PTK2B: variants seen among roughly 807,000 people sequenced by gnomAD.
PTK2B encodes the protein protein tyrosine kinase 2 beta, also known as protein-tyrosine kinase 2-beta.
A neutral mutation model predicts 142.9 loss-of-function variants in PTK2B; 71 were observed. That is an observed-to-expected ratio of 0.50 (90% CI 0.41 to 0.61). The LOEUF is 0.61. PTK2B is among the 20% of genes least tolerant of loss of function. PTK2B has a pLI of 0.00. For missense variants in PTK2B, 1,105 were observed against 1,320.4 expected (o/e 0.84, Z 2.53); for synonymous variants, 519 against 503.4 (o/e 1.03, Z -0.42).
chr8:27,391,004 C>T (rs902309725), intron 1 of PTK2B, among the ~76,000 whole-genome samples: 7 of 152,074 alleles, frequency 4.6e-5, no homozygotes, highest in Admixed American at 6.5e-5. Context: ...TAAATGTACG[C>T]GCCTTCTCCC....
intron 1 of PTK2B, among the ~76,000 whole-genome samples, chr8:27,370,872 A>G (rs1183278755): frequency 1.3e-5 from 2 of 151,954 alleles, no homozygotes; most frequent in African/African-American, 4.8e-5. Context: ...TAAAGAGAAA[A>G]CTGTGGTGAG....
chr8:27,439,357 A>T lies in PTK2B; in HGVS notation c.1793A>T (p.Asn598Ile), dbSNP rs1444229107. 6.2e-7 allele frequency: 1 copy of T among 1,614,144 alleles called. No homozygotes were observed. Among genetic ancestry groups the T allele is most frequent in the East Asian group, 2.2e-5 (1 of 44,878 alleles). The change falls in exon 20 of 31, where the codon AAC becomes ATC. Residue 598 changes from asparagine (N) to isoleucine (I), a missense_variant. Asn to Ile is a moderately radical substitution (Grantham distance 149, BLOSUM62 -3). Coordinates refer to ENST00000346049, the MANE Select transcript of PTK2B (RefSeq NM_173176.3). ...AAATGGATGTCCCCAGAGTCCATTA[A>T]CTTCCGACGCTTCACGACAGCCAGT... ...PIKWMSPESI[N>I]FRRFTTASDV...
chr8:27,314,022 C>G (rs1398263104), intron 3 of PTK2B, among the ~76,000 whole-genome samples: 3 of 152,188 alleles, frequency 2.0e-5, no homozygotes, highest in South Asian at 4.1e-4. Context: ...GTAGAGTCCT[C>G]TCCTGCCCTG....
At chr8:27,339,726 G>T (rs1463485847) in intron 1 of PTK2B, among the ~76,000 whole-genome samples, 1 of 152,208 alleles carries the variant, frequency 6.6e-6, no homozygotes, top group Non-Finnish European at 1.5e-5. Context: ...TGGAGTTGGG[G>T]ATCAGGGGGT....
intron 1 of PTK2B, among the ~76,000 whole-genome samples, chr8:27,355,842 T>C (rs553747378): frequency 8.1e-4 from 123 of 152,140 alleles, no homozygotes; most frequent in Non-Finnish European, 1.3e-3. Context: ...GCCAACATAG[T>C]GAAACCCTGT....
rs762349292 is a variant in PTK2B, at chr8:27,437,903, G to A, written c.1643+23G>A. The A allele has an allele frequency of 1.4e-5, 22 of 1,583,974 alleles. No homozygotes were observed. The African/African-American group carries it at 2.7e-4, about 19-fold the overall frequency. ...CAGGTAGGGGTGGAGGGAGTGGCCA[G>A]CGGTATGGAAGCCAGGCCTTCACCA... On this transcript the variant is annotated intron_variant, in intron 18 of 30. Transcript: ENST00000346049.
At chr8:27,343,048 A>G (rs1199588334) in intron 1 of PTK2B, among the ~76,000 whole-genome samples, 1 of 152,222 alleles carries the variant, frequency 6.6e-6, no homozygotes, top group Non-Finnish European at 1.5e-5. Context: ...CGATGTGCTC[A>G]TCAACCTTGA....
At chr8:27,395,996 A>T (rs1191281759) in intron 1 of PTK2B, 4 of 152,156 alleles carry the variant, frequency 2.6e-5, no homozygotes, top group Non-Finnish European at 5.9e-5. Flanking sequence ...GAATATATAT[A>T]TATCTTTTAG....
intron 1 of PTK2B, among the ~76,000 whole-genome samples, chr8:27,357,782 A>C (rs866769624): frequency 2.0e-5 from 3 of 152,238 alleles, no homozygotes; most frequent in African/African-American, 2.4e-5. Context: ...TTACAGCTGC[A>C]TTCATTCATT....
chr8:27,384,000 C>T (rs183750056), intron 1 of PTK2B, among the ~76,000 whole-genome samples: 12 of 152,160 alleles, frequency 7.9e-5, no homozygotes, highest in African/African-American at 2.6e-4. Context: ...AGGCATGAGC[C>T]ACCATGCCCA....
intron 19 of PTK2B, 79 bp from the exon 20 acceptor site, chr8:27,439,230 G>C: frequency 7.7e-6 from 12 of 1,563,904 alleles, no homozygotes; most frequent in Non-Finnish European, 1.1e-5. Context: ...CCAGGCTAAG[G>C]GTCTTCAGAA....
At chr8:27,369,828 C>T (rs1476402579) in intron 1 of PTK2B, among the ~76,000 whole-genome samples, 2 of 151,962 alleles carry the variant, frequency 1.3e-5, no homozygotes, top group Non-Finnish European at 2.9e-5. Flanking sequence ...TATAGAAAAA[C>T]TAGCAAAGCA....
intron 1 of PTK2B, among the ~76,000 whole-genome samples, chr8:27,340,574 A>G (rs1049112978): frequency 1.3e-5 from 2 of 152,232 alleles, no homozygotes; most frequent in African/African-American, 4.8e-5. Context: ...GATAGATAGG[A>G]TAGGATAGGC....
chr8:27,433,978 G>T (rs1810606847), intron 11 of PTK2B, 115 bp from the exon 12 acceptor site: 1 of 1,349,884 alleles, frequency 7.4e-7, no homozygotes, highest in African/African-American at 1.4e-5. Context: ...GGAGAGAATG[G>T]AATTAGGGGC....
At chr8:27,311,420 G>C, upstream of PTK2B, 2 of 726,274 alleles carry the variant, frequency 2.8e-6, no homozygotes, top group Non-Finnish European at 4.3e-6. Flanking sequence ...GCGCTCGGAG[G>C]AGCCCCACCC....
chr8:27,436,703 G>A (rs1384119234), intron 15 of PTK2B, among the ~76,000 whole-genome samples: 1 of 152,186 alleles, frequency 6.6e-6, no homozygotes, highest in Non-Finnish European at 1.5e-5. Context: ...ATGGGGCAGG[G>A]TAAGGCTGAC....
At position 27,384,177 on chromosome 8, in the gene PTK2B, T is replaced by C. The variant is rs117685513; in HGVS notation, c.-37-13371T>C. On this transcript the variant is annotated intron_variant, in intron 1 of 30. Coordinates refer to ENST00000346049, the MANE Select transcript of PTK2B (RefSeq NM_173176.3). Reference sequence around the variant, plus strand: ...ACACCTGGCAAATTTTTAAATGTTTTGTAGAAACATGGTCTCCCTATTTGT... The same window carrying C: ...ACACCTGGCAAATTTTTAAATGTTTCGTAGAAACATGGTCTCCCTATTTGT... 3.1e-3 allele frequency among the ~76,000 whole-genome samples: 474 copies of C among 152,058 alleles called. 9 individuals are homozygous for C. The East Asian group carries it at 0.035, about 11-fold the overall frequency.
chr8:27,338,651 A>T (rs113113331), intron 1 of PTK2B, among the ~76,000 whole-genome samples: 572 of 152,350 alleles, frequency 3.8e-3, no homozygotes, highest in African/African-American at 0.013. Context: ...TAAGCATCCC[A>T]AACTAGCCTT....
At chr8:27,379,354 G>A (rs889009923) in intron 1 of PTK2B, among the ~76,000 whole-genome samples, 5 of 152,178 alleles carry the variant, frequency 3.3e-5, no homozygotes, top group Non-Finnish European at 7.4e-5. Flanking sequence ...ACCCACCTGG[G>A]TAGCTGGGAC....
Sources: allele counts gnomAD v4.1 joint callset (sites outside exome capture counted in the v4.1 genomes callset), GRCh38; gene constraint gnomAD v4.1.1; transcripts MANE v1.5; gene names NCBI Gene and HGNC (gene_info 2026-07-23, HGNC 2026-07-21).